The following VPS13B variants were observed in gnomAD, a reference collection of about 807,000 sequenced individuals.
The protein encoded by VPS13B is intermembrane lipid transfer protein VPS13B.
Under a neutral mutation model 426.4 loss-of-function variants are expected in VPS13B, and 285 were observed. The observed-to-expected ratio is 0.67, with a 90% CI of 0.61 to 0.74. The LOEUF (loss-of-function observed/expected upper bound fraction) is 0.74. Among genes scored for constraint, VPS13B ranks in the 30% least tolerant of loss-of-function variants. VPS13B has a pLI of 0.00. For missense variants in VPS13B, 4,537 were observed against 4,782.6 expected, an observed-to-expected ratio of 0.95 and a Z score of 1.51; for synonymous variants, 1,676 against 1,676.4, an observed-to-expected ratio of 1.00 and a Z score of 0.01.
chr8:99,545,681 A>G (rs1823931823), intron 30 of VPS13B, among the ~76,000 whole-genome samples: 1 of 152,050 alleles, frequency 6.6e-6, no homozygotes, highest in South Asian at 2.1e-4. Context: ...TCTCTGGCAA[A>G]CAGCCTTAAT....
chr8:99,755,407 A>G (rs1370921904), intron 39 of VPS13B, among the ~76,000 whole-genome samples: 1 of 152,204 alleles, frequency 6.6e-6, no homozygotes, highest in Non-Finnish European at 1.5e-5. Context: ...CACAATGAAA[A>G]TTACAAACTT....
At chr8:99,348,533 G>A (rs1811672210) in intron 19 of VPS13B, among the ~76,000 whole-genome samples, 1 of 152,172 alleles carries the variant, frequency 6.6e-6, no homozygotes, top group South Asian at 2.1e-4. Context: ...TAAATTAGAT[G>A]ATGTTAGTTT....
At chr8:99,815,335 C>G (rs561500695) in intron 44 of VPS13B, among the ~76,000 whole-genome samples, 3 of 152,112 alleles carry the variant, frequency 2.0e-5, no homozygotes, top group African/African-American at 7.2e-5. Flanking sequence ...GTTCAAGACC[C>G]AAGAAGAGCT....
At chr8:99,149,311 T>C (rs1369178470) in intron 14 of VPS13B, among the ~76,000 whole-genome samples, 1 of 152,226 alleles carries the variant, frequency 6.6e-6, no homozygotes, top group African/African-American at 2.4e-5. Context: ...ATACAAGGCC[T>C]TATTTGTTCG....
intron 54 of VPS13B, among the ~76,000 whole-genome samples, chr8:99,846,655 A>G (rs1462586196): frequency 6.6e-6 from 1 of 152,224 alleles, no homozygotes; most frequent in Non-Finnish European, 1.5e-5. Context: ...GACAACAAGC[A>G]AAAATTTCCC....
intron 21 of VPS13B, among the ~76,000 whole-genome samples, chr8:99,403,756 C>G (rs1030618350): frequency 4.1e-4 from 63 of 152,076 alleles, no homozygotes; most frequent in African/African-American, 1.5e-3. Context: ...AGAAACATGG[C>G]TCATGAGGTT....
chr8:99,202,709 C>T (rs1173615022), intron 17 of VPS13B, among the ~76,000 whole-genome samples: 1 of 152,124 alleles, frequency 6.6e-6, no homozygotes, highest in Non-Finnish European at 1.5e-5. Context: ...AGGCCAGCAT[C>T]ATCCTGATAC....
chr8:99,794,995 T>C (rs1812735231), intron 43 of VPS13B, among the ~76,000 whole-genome samples: 1 of 152,156 alleles, frequency 6.6e-6, no homozygotes, highest in Non-Finnish European at 1.5e-5. Context: ...TCCAACCATG[T>C]CCTGGATTTG....
intron 33 of VPS13B, among the ~76,000 whole-genome samples, chr8:99,619,662 C>T (rs774171690): frequency 5.3e-5 from 8 of 152,076 alleles, no homozygotes; most frequent in Non-Finnish European, 7.4e-5. Flanking sequence ...GCTTAAGTTC[C>T]GGAGTTTGAG....
At chr8:99,647,850 G>C (rs914403131) in intron 34 of VPS13B, among the ~76,000 whole-genome samples, 2 of 152,198 alleles carry the variant, frequency 1.3e-5, no homozygotes, top group Middle Eastern at 3.4e-3. Flanking sequence ...TCTGGGTGAT[G>C]CTTCTAGAAA....
chr8:99,195,174 C>T (rs1053728433), intron 17 of VPS13B, among the ~76,000 whole-genome samples: 1 of 152,144 alleles, frequency 6.6e-6, no homozygotes, highest in Admixed American at 6.5e-5. Flanking sequence ...CTCTTTTTCT[C>T]CACATCCTTG....
At chr8:99,654,259 A>G (rs1390779694) in intron 34 of VPS13B, among the ~76,000 whole-genome samples, 1 of 151,696 alleles carries the variant, frequency 6.6e-6, no homozygotes, top group Non-Finnish European at 1.5e-5. Flanking sequence ...TGTGTTAGCA[A>G]GGATGATCTC....
At chr8:99,684,406 C>A (rs1831288279) in intron 35 of VPS13B, among the ~76,000 whole-genome samples, 1 of 152,176 alleles carries the variant, frequency 6.6e-6, no homozygotes, top group African/African-American at 2.4e-5. Context: ...TCCCTAGTCC[C>A]TCTGAGCATT....
At chr8:99,632,321 G>A (rs1446930914) in intron 33 of VPS13B, among the ~76,000 whole-genome samples, 2 of 151,916 alleles carry the variant, frequency 1.3e-5, no homozygotes, top group Non-Finnish European at 2.9e-5. Flanking sequence ...GAGGAAGAAT[G>A]TCTTCTTTTT....
At chr8:99,529,205 C>T (rs1226375017) in intron 30 of VPS13B, among the ~76,000 whole-genome samples, 1 of 152,088 alleles carries the variant, frequency 6.6e-6, no homozygotes, top group Non-Finnish European at 1.5e-5. Context: ...ATGGTAACCA[C>T]CTCCTTACCC....
At chr8:99,273,389 A>C (rs1468667740) in intron 17 of VPS13B, among the ~76,000 whole-genome samples, 1 of 151,394 alleles carries the variant, frequency 6.6e-6, no homozygotes, top group African/African-American at 2.4e-5. Context: ...GATGGTCTCG[A>C]TCTCTTGACC....
In VPS13B at chr8:99,274,249, T is replaced by C. The variant is rs1588198594; in HGVS notation, c.2567T>C (p.Val856Ala). Residue 856 changes from valine (V) to alanine (A), a missense_variant, in exon 18 of 62, where the codon GTT (valine) becomes GCT (alanine). Physicochemically the swap from Val to Ala is moderately conservative, Grantham distance 64. Coordinates refer to ENST00000357162, the MANE Select transcript of VPS13B (RefSeq NM_152564.5). ...LPTLEGSIQN[V>A]ELKYCSTSLV... ...ACTCTTGAGGGCTCAATCCAGAATGTTGAATTGAAGTACTGCAGCACATCA... is the reference window on the plus strand; with the variant it reads ...ACTCTTGAGGGCTCAATCCAGAATGCTGAATTGAAGTACTGCAGCACATCA... 1 of 1,614,140 alleles carries C rather than the reference T, an allele frequency of 6.2e-7. No homozygotes were observed. Among genetic ancestry groups the C allele is most frequent in the Non-Finnish European group, 8.5e-7 (1 of 1,180,008 alleles).
chr8:99,814,333 T>C (rs1247635673), intron 44 of VPS13B, among the ~76,000 whole-genome samples: 1 of 152,220 alleles, frequency 6.6e-6, no homozygotes, highest in East Asian at 1.9e-4. Flanking sequence ...AGGCAGATAC[T>C]ATTCTATTTT....
intron 5 of VPS13B, among the ~76,000 whole-genome samples, chr8:99,107,906 C>T (rs1413106040): frequency 6.6e-6 from 1 of 152,148 alleles, no homozygotes; most frequent in Non-Finnish European, 1.5e-5. Context: ...GGGTAAATTG[C>T]ATGTTGCATG....
Sources: gnomAD v4.1 joint callset for allele counts (sites outside exome capture counted in the v4.1 genomes callset) on GRCh38, gnomAD v4.1.1 for gene constraint, MANE v1.5 for transcripts, NCBI Gene and HGNC (gene_info 2026-07-23, HGNC 2026-07-21) for gene names.